The following PCDHA2 variants were observed in gnomAD, a reference collection of about 807,000 sequenced individuals.
PCDHA2 encodes the protein protocadherin alpha-2.
A neutral mutation model predicts 66.0 loss-of-function variants in PCDHA2; 58 were observed. That is an observed-to-expected ratio of 0.88 (90% CI 0.71 to 1.09). The LOEUF is 1.09. Among genes scored for constraint, PCDHA2 ranks in the 50% least tolerant of loss-of-function variants. PCDHA2 has a pLI of 0.00. For missense variants in PCDHA2, 1,267 were observed against 1,242.3 expected, an observed-to-expected ratio of 1.02 and a Z score of -0.30; for synonymous variants, 634 against 554.0, an observed-to-expected ratio of 1.14 and a Z score of -2.03.
intron 1 of PCDHA2, chr5:140,809,766 A>G (rs1484637756): frequency 3.3e-5 from 19 of 581,822 alleles, no homozygotes; most frequent in Non-Finnish European, 5.3e-5. Flanking sequence ...TTTATGCTGC[A>G]TTATTCAATG....
chr5:140,806,705 A>G (rs1196570582), intron 1 of PCDHA2, among the ~76,000 whole-genome samples: 1 of 152,234 alleles, frequency 6.6e-6, no homozygotes, highest in African/African-American at 2.4e-5. Context: ...ATCTGTAATG[A>G]ATTTTTCTAA....
intron 1 of PCDHA2, chr5:140,863,161 C>T (rs1554157875): frequency 3.1e-6 from 2 of 650,330 alleles, no homozygotes; most frequent in East Asian, 4.4e-5. Flanking sequence ...CCACTGCGAG[C>T]TGGCGCTGAC....
intron 1 of PCDHA2, among the ~76,000 whole-genome samples, chr5:140,955,283 A>G (rs1255959484): frequency 6.6e-6 from 1 of 151,774 alleles, no homozygotes; most frequent in African/African-American, 2.4e-5. Context: ...CCATATTGAT[A>G]TGGTTTGGCT....
chr5:140,843,077 G>A, intron 1 of PCDHA2: 1 of 1,595,414 alleles, frequency 6.3e-7, no homozygotes, highest in South Asian at 1.1e-5. Context: ...GCGGTCTGTG[G>A]GCGCGGGCCA....
At chr5:140,906,097 T>G (rs1396034135) in intron 1 of PCDHA2, among the ~76,000 whole-genome samples, 1 of 152,144 alleles carries the variant, frequency 6.6e-6, no homozygotes, top group Non-Finnish European at 1.5e-5. Context: ...AGAGTAAGTG[T>G]GTCTTTCCCA....
chr5:140,850,893 G>A, intron 1 of PCDHA2: 1 of 1,574,570 alleles, frequency 6.4e-7, no homozygotes, highest in Non-Finnish European at 8.7e-7. Flanking sequence ...TGGGAAGGTG[G>A]GTTTTTCTAG....
intron 1 of PCDHA2, among the ~76,000 whole-genome samples, chr5:140,926,036 C>A (rs2082873940): frequency 6.6e-6 from 1 of 152,168 alleles, no homozygotes; most frequent in South Asian, 2.1e-4. Context: ...TTGATGCGGA[C>A]ACTATTCCCC....
In PCDHA2 at chr5:140,921,062, C is replaced by T. The variant is rs377176575; in HGVS notation, c.2389-57887C>T. 1.3e-4 allele frequency among the ~76,000 whole-genome samples: 20 copies of T among 151,872 alleles called. No homozygotes were observed. The South Asian group carries it at 4.2e-3, about 32-fold the overall frequency. The stretch of plus-strand genomic sequence containing the variant: ...TGGGGCAATCATAGCTCACTCTAAC[C>T]TTGAACTCTTGGGCTCAAGAGAATC... On this transcript the variant is annotated intron_variant, in intron 1 of 3. Coordinates refer to ENST00000526136, the MANE Select transcript of PCDHA2 (RefSeq NM_018905.3).
chr5:140,796,208 G>A lies in PCDHA2; in HGVS notation c.1244G>A (p.Arg415His), dbSNP rs782813610. 1 of 1,614,192 alleles carries A rather than the reference G, an allele frequency of 6.2e-7. No homozygotes were observed. Among genetic ancestry groups the A allele is most frequent in the South Asian group, 1.1e-5 (1 of 91,088 alleles). The part of the protein sequence containing the change: ...YSLVLDSALD[R>H]ESVSAYELVV... ...TTGGTGCTGGACAGCGCCCTGGACCGCGAGAGCGTGTCAGCCTATGAGCTG... is the reference window on the plus strand; with the variant it reads ...TTGGTGCTGGACAGCGCCCTGGACCACGAGAGCGTGTCAGCCTATGAGCTG... Residue 415 changes from arginine to histidine, a missense_variant, in exon 1 of 4, where the codon CGC becomes CAC. Coordinates refer to ENST00000526136, the MANE Select transcript of PCDHA2 (RefSeq NM_018905.3).
intron 1 of PCDHA2, among the ~76,000 whole-genome samples, chr5:140,931,986 C>G (rs562622204): frequency 2.0e-4 from 30 of 151,912 alleles, no homozygotes; most frequent in African/African-American, 7.0e-4. Flanking sequence ...ATATTTTGCT[C>G]AAATTCTAAG....
At chr5:140,860,772 C>G (rs1554153719) in intron 1 of PCDHA2, 1 of 152,248 alleles carries the variant, frequency 6.6e-6, no homozygotes, top group African/African-American at 2.4e-5. Context: ...GAGTCTCGCT[C>G]TGTTGCCCAG....
rs2150135229 is a variant in PCDHA2, at chr5:140,824,610, G to GTTT, written c.2388+27278_2388+27280dup. ...GGACTACATGCACATGCTAATTAAAGTTTTTTTTTTTTTTTTTTTTTTATT... is the reference window on the plus strand; with the variant it reads ...GGACTACATGCACATGCTAATTAAAGTTTTTTTTTTTTTTTTTTTTTTTTTATT... On this transcript the variant is annotated intron_variant, in intron 1 of 3. Coordinates refer to ENST00000526136, the MANE Select transcript of PCDHA2 (RefSeq NM_018905.3). 763 of 95,086 alleles carry GTTT rather than the reference G, an allele frequency of 8.0e-3. 102 individuals are homozygous for GTTT. The highest frequency in any genetic ancestry group is 0.015 in the East Asian group (49 of 3,346). 5.9% of individuals were successfully genotyped at this position (95,086 alleles called of 1,614,324 possible). A position where few individuals can be genotyped will look rare whatever the true frequency, so the allele number is the denominator to read the frequency against.
At chr5:140,943,326 G>A (rs1407826029) in intron 1 of PCDHA2, among the ~76,000 whole-genome samples, 10 of 149,948 alleles carry the variant, frequency 6.7e-5, no homozygotes, top group African/African-American at 2.5e-4. Flanking sequence ...ATATTGTGTA[G>A]TATCCATTGG....
intron 1 of PCDHA2, chr5:140,859,976 T>C (rs2046117770): frequency 6.6e-6 from 1 of 151,980 alleles, no homozygotes; most frequent in African/African-American, 2.4e-5. Context: ...GGTATACAAG[T>C]GCATTAATCT....
intron 1 of PCDHA2, chr5:140,836,465 G>C (rs2150261625): frequency 6.2e-7 from 1 of 1,613,860 alleles, no homozygotes; most frequent in Admixed American, 1.7e-5. Context: ...CCGAGCTGGT[G>C]GATGTCAACG....
intron 1 of PCDHA2, chr5:140,929,431 C>T (rs155360): frequency 0.52 from 779,088 of 1,485,262 alleles, 207,160 homozygotes; most frequent in African/African-American, 0.75. Context: ...ATCAATTGAA[C>T]TAAACACTCC....
At chr5:140,823,889 C>A (rs2150130096) in intron 1 of PCDHA2, 23 of 1,613,944 alleles carry the variant, frequency 1.4e-5, no homozygotes, top group South Asian at 7.7e-5. Flanking sequence ...GCCATCTGTG[C>A]GGTGTCCAGC....
At position 140,979,015 on chromosome 5, in the gene PCDHA2, T is replaced by C. The variant is rs782169362; in HGVS notation, c.2447+8T>C. ...GAGAGCAGGCATGCACAGGTATGTATTTCCCTCCTCATTCACTCAGAAGTA... is the reference window on the plus strand; with the variant it reads ...GAGAGCAGGCATGCACAGGTATGTACTTCCCTCCTCATTCACTCAGAAGTA... On this transcript the variant is annotated splice_region_variant and intron_variant, in intron 2 of 3. Coordinates refer to ENST00000526136, the MANE Select transcript of PCDHA2 (RefSeq NM_018905.3). 1 of 1,613,802 alleles carries C rather than the reference T, an allele frequency of 6.2e-7. No individual in the cohort carries two copies. Among genetic ancestry groups the C allele is most frequent in the Non-Finnish European group, 8.5e-7 (1 of 1,179,916 alleles).
chr5:140,889,893 C>A (rs1275511475), intron 1 of PCDHA2, among the ~76,000 whole-genome samples: 2 of 152,158 alleles, frequency 1.3e-5, no homozygotes, highest in Admixed American at 1.3e-4. Flanking sequence ...AGAATTCTGA[C>A]TACCTTGAGA....
Sources: allele counts gnomAD v4.1 joint callset (sites outside exome capture counted in the v4.1 genomes callset), GRCh38; gene constraint gnomAD v4.1.1; transcripts MANE v1.5; gene names NCBI Gene and HGNC (gene_info 2026-07-23, HGNC 2026-07-21).